Variants in NAALADL2 observed in about 807,000 individuals in gnomAD.
NAALADL2 encodes inactive N-acetylated-alpha-linked acidic dipeptidase-like protein 2.
NAALADL2 carries 76 observed loss-of-function variants against 87.2 expected under a neutral mutation model. The observed-to-expected ratio is 0.87, with a 90% CI of 0.72 to 1.05. The LOEUF (loss-of-function observed/expected upper bound fraction) is 1.05, where lower values mean the gene tolerates loss of function less well. Among genes scored for constraint, NAALADL2 ranks in the 50% least tolerant of loss-of-function variants. The pLI is 0.00. For missense variants in NAALADL2, 1,089 were observed against 945.8 expected (o/e 1.15, Z -1.99); for synonymous variants, 354 against 331.0 (o/e 1.07, Z -0.75).
intron 11 of NAALADL2, among the ~76,000 whole-genome samples, chr3:175,629,501 T>C (rs1727470199): frequency 6.6e-6 from 1 of 151,452 alleles, no homozygotes; most frequent in Non-Finnish European, 1.5e-5. Context: ...GGCAATGAAA[T>C]AGTAATATTT....
intron 4 of NAALADL2, among the ~76,000 whole-genome samples, chr3:175,315,642 G>T (rs533024209): frequency 6.6e-6 from 1 of 152,008 alleles, no homozygotes; most frequent in African/African-American, 2.4e-5. Flanking sequence ...CATATTTTAG[G>T]CTATAAATAC....
chr3:175,233,608 A>C (rs2035104), intron 2 of NAALADL2, among the ~76,000 whole-genome samples: 2 of 151,840 alleles, frequency 1.3e-5, no homozygotes, highest in African/African-American at 2.4e-5. Flanking sequence ...CATCAGGCTA[A>C]TTTATTTTTT....
chr3:175,477,550 T>C (rs895296118), intron 9 of NAALADL2, among the ~76,000 whole-genome samples: 16 of 152,162 alleles, frequency 1.1e-4, no homozygotes, highest in African/African-American at 2.9e-4. Context: ...TAATTTACTG[T>C]ACCTTCGTTC....
chr3:174,765,141 C>G (rs60983783), intron 3 of NAALADL2, among the ~76,000 whole-genome samples: 9,379 of 110,990 alleles, frequency 0.085, 347 homozygotes, highest in African/African-American at 0.13. Flanking sequence ...CACACACACA[C>G]ACGAGAGAGA....
intron 1 of NAALADL2, among the ~76,000 whole-genome samples, chr3:174,969,393 C>T (rs528187612): frequency 6.6e-5 from 10 of 152,084 alleles, no homozygotes; most frequent in African/African-American, 1.9e-4. Flanking sequence ...CAACTAAGTG[C>T]GAATTCCCAT....
intron 10 of NAALADL2, among the ~76,000 whole-genome samples, chr3:175,597,196 G>C (rs1451828107): frequency 6.6e-6 from 1 of 151,998 alleles, no homozygotes; most frequent in Non-Finnish European, 1.5e-5. Flanking sequence ...AATTCAAATA[G>C]AGTGAATGTT....
chr3:175,301,518 T>C (rs1281515412), intron 4 of NAALADL2, among the ~76,000 whole-genome samples: 3 of 152,246 alleles, frequency 2.0e-5, no homozygotes, highest in East Asian at 1.9e-4. Flanking sequence ...TTCTGTATTA[T>C]ACATTTCTGA....
At chr3:174,605,196 G>A (rs1350733387) in intron 2 of NAALADL2, among the ~76,000 whole-genome samples, 5 of 152,196 alleles carry the variant, frequency 3.3e-5, no homozygotes, top group African/African-American at 4.8e-5. Flanking sequence ...CAAGATGGCC[G>A]AATAGGAACA....
chr3:174,489,010 C>T (rs1010266629), intron 1 of NAALADL2, among the ~76,000 whole-genome samples: 2 of 151,942 alleles, frequency 1.3e-5, no homozygotes, highest in Admixed American at 6.6e-5. Context: ...GTATTGATAT[C>T]GATGTGGATA....
At chr3:175,265,552 A>G (rs1054534486) in intron 4 of NAALADL2, among the ~76,000 whole-genome samples, 13 of 151,656 alleles carry the variant, frequency 8.6e-5, no homozygotes, top group African/African-American at 2.9e-4. Flanking sequence ...GCTTAAGAAC[A>G]CATTGCTAAG....
At position 175,443,225 on chromosome 3, in the gene NAALADL2, C is replaced by G. The variant is rs149663067; in HGVS notation, c.1091-4004C>G. ...AATGAGGCACTTACTTTAGATATTT[C>G]AAAACTAATGCAAGTCTATCAGTCA... On this transcript the variant is annotated intron_variant, in intron 5 of 13. Transcript: ENST00000454872. Among the ~76,000 whole-genome samples, 115 of 152,190 alleles carry G rather than the reference C, an allele frequency of 7.6e-4. 1 individual carries two copies. Among genetic ancestry groups the G allele is most frequent in the Non-Finnish European group, 1.4e-3 (96 of 67,992 alleles).
At chr3:175,482,885 T>G (rs371433651) in intron 9 of NAALADL2, among the ~76,000 whole-genome samples, 15 of 151,978 alleles carry the variant, frequency 9.9e-5, no homozygotes, top group African/African-American at 3.1e-4. Flanking sequence ...CCTTAAACTT[T>G]TTACTAGATG....
chr3:175,008,623 C>T (rs1031130686), intron 1 of NAALADL2, among the ~76,000 whole-genome samples: 2 of 152,094 alleles, frequency 1.3e-5, no homozygotes, highest in Admixed American at 6.5e-5. Flanking sequence ...TTACCACTGG[C>T]CCAGGCAAAA....
intron 5 of NAALADL2, among the ~76,000 whole-genome samples, chr3:175,338,681 G>A (rs1280643141): frequency 7.4e-6 from 1 of 135,748 alleles, no homozygotes; most frequent in East Asian, 2.2e-4. Flanking sequence ...AAAACACCAG[G>A]AACTGAGTTC....
chr3:174,729,780 A>G (rs1474392837), intron 2 of NAALADL2, among the ~76,000 whole-genome samples: 1 of 152,066 alleles, frequency 6.6e-6, no homozygotes, highest in African/African-American at 2.4e-5. Flanking sequence ...ATGAGTTGAT[A>G]TGATAATAAT....
chr3:174,642,869 A>G (rs1379612302), intron 2 of NAALADL2, among the ~76,000 whole-genome samples: 1 of 151,088 alleles, frequency 6.6e-6, no homozygotes, highest in African/African-American at 2.4e-5. Flanking sequence ...TGCAGCCTCA[A>G]CCTCGTGGGC....
intron 11 of NAALADL2, among the ~76,000 whole-genome samples, chr3:175,711,388 T>A (rs942703332): frequency 1.8e-4 from 28 of 152,030 alleles, no homozygotes; most frequent in Non-Finnish European, 3.4e-4. Flanking sequence ...TCAATTTTTT[T>A]AAAATTCTGC....
intron 1 of NAALADL2, among the ~76,000 whole-genome samples, chr3:174,978,351 G>A (rs1744646252): frequency 6.6e-6 from 1 of 152,192 alleles, no homozygotes; most frequent in Non-Finnish European, 1.5e-5. Context: ...ATGGTTGAAA[G>A]GCTTGAAGAA....
chr3:175,740,552 A>G (rs1397745754), intron 12 of NAALADL2, among the ~76,000 whole-genome samples: 2 of 152,188 alleles, frequency 1.3e-5, no homozygotes, highest in African/African-American at 4.8e-5. Context: ...CAGACTTGGG[A>G]GTGTTCTAAT....
Sources: gnomAD v4.1 joint callset for allele counts (sites outside exome capture counted in the v4.1 genomes callset) on GRCh38, gnomAD v4.1.1 for gene constraint, MANE v1.5 for transcripts, NCBI Gene and HGNC (gene_info 2026-07-23, HGNC 2026-07-21) for gene names.